TIMD4: variants seen among roughly 807,000 people sequenced by gnomAD.
TIMD4 encodes T-cell immunoglobulin and mucin domain-containing protein 4.
TIMD4 carries 31 observed loss-of-function variants against 41.2 expected under a neutral mutation model. That is an observed-to-expected ratio of 0.75 (90% CI 0.57 to 1.01). The LOEUF is 1.01. Ranked by LOEUF, TIMD4 falls within the 50% of genes least tolerant of loss-of-function variation. The probability of loss-of-function intolerance (pLI) is 0.00; values close to 1 mark genes in which losing one functional copy is unlikely to be tolerated. For synonymous variants in TIMD4, 204 were observed against 177.1 expected (o/e 1.15, Z -1.21); for missense variants, 479 against 472.5 (o/e 1.01, Z -0.13).
At chr5:156,921,157 G>T (rs1188975827) in intron 7 of TIMD4, among the ~76,000 whole-genome samples, 2 of 152,090 alleles carry the variant, frequency 1.3e-5, no homozygotes, top group Non-Finnish European at 1.5e-5. Flanking sequence ...GAGGTGCAAG[G>T]TCATGGAGCA....
At chr5:156,926,455 T>G in intron 5 of TIMD4, 143 bp from the exon 6 acceptor site, 2 of 757,580 alleles carry the variant, frequency 2.6e-6, no homozygotes, top group Non-Finnish European at 4.2e-6. Flanking sequence ...TATAATCTAT[T>G]TATGCATATT....
chr5:156,928,778 T>C (rs1363857804), intron 5 of TIMD4, among the ~76,000 whole-genome samples: 1 of 152,214 alleles, frequency 6.6e-6, no homozygotes, highest in Non-Finnish European at 1.5e-5. Flanking sequence ...AACTAAGTTA[T>C]TGTTGTTTTT....
At chr5:156,949,421 TCCTCCTCC>T (rs1561552136) in intron 4 of TIMD4, among the ~76,000 whole-genome samples, 584 of 17,778 alleles carry the variant, frequency 0.033, no homozygotes, top group African/African-American at 0.088. Flanking sequence ...CCTACCTCCC[TCCTCCTCC>T]TCCTCCTCCT....
chr5:156,934,187 TAC>T (rs573903016), intron 5 of TIMD4, among the ~76,000 whole-genome samples: 87 of 152,374 alleles, frequency 5.7e-4, no homozygotes, highest in Non-Finnish European at 1.0e-3. Context: ...CCTCTTTGAA[TAC>T]ATTTATTGAG....
chr5:156,940,210 G>A (rs915072681), intron 5 of TIMD4, among the ~76,000 whole-genome samples: 59 of 152,334 alleles, frequency 3.9e-4, no homozygotes, highest in South Asian at 1.9e-3. Context: ...TGCCCGCCTC[G>A]GCCTCCCGAG....
intron 6 of TIMD4, among the ~76,000 whole-genome samples, chr5:156,923,940 T>A (rs1759300335): frequency 6.6e-6 from 1 of 151,666 alleles, no homozygotes; most frequent in Non-Finnish European, 1.5e-5. Context: ...TGGACTCAAG[T>A]GATCCTCCCA....
chr5:156,957,527 A>C (rs1380537615), intron 1 of TIMD4, among the ~76,000 whole-genome samples: 1 of 151,414 alleles, frequency 6.6e-6, no homozygotes, highest in Non-Finnish European at 1.5e-5. Flanking sequence ...AAAAAAAAGA[A>C]AAAAGAAAAA....
At chr5:156,960,214 C>T (rs904782114) in intron 1 of TIMD4, among the ~76,000 whole-genome samples, 12 of 151,974 alleles carry the variant, frequency 7.9e-5, no homozygotes, top group African/African-American at 2.7e-4. Context: ...GACATAGACC[C>T]CTGCAACTTT....
At position 156,935,135 on chromosome 5, in the gene TIMD4, T is replaced by C. The variant is rs148829044; in HGVS notation, c.845-8823A>G. On this transcript the variant is annotated intron_variant, in intron 5 of 8. Transcript: ENST00000274532. ...GCAAAAGAATCCAAAAATCACAATC[T>C]GAATGTTTAAGAGTTGGGAGGGATT... Among the ~76,000 whole-genome samples the C allele has an allele frequency of 4.0e-3, 603 of 151,842 alleles. 7 individuals carry two copies. The highest frequency in any genetic ancestry group is 0.013 in the African/African-American group (532 of 41,434).
Position 156,922,171 on chromosome 5 carries a change from G to C in TIMD4, c.940C>G (p.Gln314Glu), listed in dbSNP as rs747609436. ...GAGGGGGCGATGATCATCAGTAGTT[G>C]GGAGATGGGCATTTCATTCTTCATT... The part of the protein sequence containing the change: ...MSMKNEMPIS[Q>E]LLMIIAPSLG... The change falls in exon 7 of 9, where the codon CAA becomes GAA. Residue 314 changes from glutamine (Q) to glutamate (E), a missense_variant. Physicochemically the swap from Gln to Glu is conservative, Grantham distance 29. Coordinates refer to ENST00000274532, the MANE Select transcript of TIMD4 (RefSeq NM_138379.3). 2.5e-6 allele frequency: 4 copies of C among 1,614,036 alleles called. No individual in the cohort carries two copies. The Admixed American group carries it at 6.7e-5, about 27-fold the overall frequency.
At chr5:156,926,422 A>G (rs2113344963) in intron 5 of TIMD4, 110 bp from the exon 6 acceptor site, 1 of 1,073,222 alleles carries the variant, frequency 9.3e-7, no homozygotes, top group East Asian at 2.6e-5. Flanking sequence ...GATGTGTTTA[A>G]TTATTTAATC....
intron 3 of TIMD4, among the ~76,000 whole-genome samples, chr5:156,950,723 G>A (rs1178408523): frequency 2.6e-5 from 4 of 152,120 alleles, no homozygotes; most frequent in African/African-American, 9.7e-5. Flanking sequence ...AAAGAAACAA[G>A]GCTAGAACTA....
intron 5 of TIMD4, among the ~76,000 whole-genome samples, chr5:156,944,853 G>A (rs1759711896): frequency 6.6e-6 from 1 of 152,050 alleles, no homozygotes; most frequent in Non-Finnish European, 1.5e-5. Flanking sequence ...CTGGCCAGCT[G>A]TGTGATCTTA....
chr5:156,940,033 T>C (rs1759611553), intron 5 of TIMD4, among the ~76,000 whole-genome samples: 2 of 152,236 alleles, frequency 1.3e-5, no homozygotes, highest in South Asian at 4.1e-4. Context: ...ACTGCCGCGA[T>C]CTCGGCTCAC....
intron 5 of TIMD4, among the ~76,000 whole-genome samples, chr5:156,933,267 A>G (rs902909390): frequency 1.3e-5 from 2 of 152,170 alleles, no homozygotes; most frequent in Non-Finnish European, 2.9e-5. Flanking sequence ...CTGTAATTCT[A>G]GCACTTTGGG....
At chr5:156,951,873 A>G in intron 2 of TIMD4, 83 bp from the exon 3 acceptor site, 2 of 1,569,522 alleles carry the variant, frequency 1.3e-6, no homozygotes, top group Non-Finnish European at 1.7e-6. Flanking sequence ...GGACCCATCC[A>G]TTTCTGTTGT....
At chr5:156,951,397 T>C in intron 3 of TIMD4, 115 bp downstream of exon 3, 1 of 1,305,072 alleles carries the variant, frequency 7.7e-7, no homozygotes, top group Non-Finnish European at 1.1e-6. Flanking sequence ...AGCAGACTAA[T>C]ATACGCATGT....
chr5:156,934,916 A>T (rs927927904), intron 5 of TIMD4, among the ~76,000 whole-genome samples: 30 of 152,232 alleles, frequency 2.0e-4, no homozygotes, highest in Non-Finnish European at 1.0e-4. Context: ...GCTGGGACTC[A>T]TCTGTCCTAT....
rs939156922 is a variant in TIMD4, at chr5:156,940,754, C to G, written c.844+7662G>C. On this transcript the variant is annotated intron_variant, in intron 5 of 8. Transcript: ENST00000274532. ...CTGGGAAGTGAGGAGAGTCTCCACC[C>G]GGCTGCCCCATCTGGGAGGTAGGGG... Among the ~76,000 whole-genome samples, 26 of 152,244 alleles carry G rather than the reference C, an allele frequency of 1.7e-4. 1 individual carries two copies. In the East Asian group the frequency reaches 4.6e-3, roughly 27 times the overall value.
Sources: gnomAD v4.1 joint callset for allele counts (sites outside exome capture counted in the v4.1 genomes callset) on GRCh38, gnomAD v4.1.1 for gene constraint, MANE v1.5 for transcripts, NCBI Gene and HGNC (gene_info 2026-07-23, HGNC 2026-07-21) for gene names.